The following HMCN2 variants were observed in gnomAD, a reference collection of about 807,000 sequenced individuals.
HMCN2 encodes the protein hemicentin-2.
A neutral mutation model predicts 377.5 loss-of-function variants in HMCN2; 325 were observed. That is an observed-to-expected ratio of 0.86 (90% CI 0.79 to 0.94). The LOEUF is 0.94. Ranked by LOEUF, HMCN2 falls within the 40% of genes least tolerant of loss-of-function variation. HMCN2 has a pLI of 0.00. For missense variants in HMCN2, 4,543 were observed against 4,725.3 expected (o/e 0.96, Z 1.13); for synonymous variants, 2,007 against 2,046.8 (o/e 0.98, Z 0.53).
intron 22 of HMCN2, among the ~76,000 whole-genome samples, chr9:130,335,543 G>A (rs1838699686): frequency 6.6e-6 from 1 of 152,070 alleles, no homozygotes; most frequent in South Asian, 2.1e-4. Context: ...CATTGGCTGG[G>A]GATTTGTGTC....
chr9:130,404,724 G>C, intron 80 of HMCN2, 145 bp from the exon 81 acceptor site: 1 of 435,608 alleles, frequency 2.3e-6, no homozygotes, highest in East Asian at 8.0e-5. Context: ...TCCTGAGCAC[G>C]GGCAATGGCC....
chr9:130,425,606 T>G, intron 89 of HMCN2, 81 bp from the exon 90 acceptor site: 1 of 1,011,174 alleles, frequency 9.9e-7, no homozygotes, highest in Non-Finnish European at 1.5e-6. Flanking sequence ...ATCTCAGCAT[T>G]TTCCTCCTCC....
intron 1 of HMCN2, among the ~76,000 whole-genome samples, chr9:130,276,120 T>G (rs1458912149): frequency 5.5e-3 from 14 of 2,568 alleles, no homozygotes; most frequent in South Asian, 0.023. Context: ...GGGGCAGGGG[T>G]GGGTGGGTGG....
At position 130,323,453 on chromosome 9, in the gene HMCN2, G is replaced by T. The variant is rs1040116039; in HGVS notation, c.2920+1522G>T. Reference sequence around the variant, plus strand: ...AAGCTCACTGTGTTCTGCAAACACTGCTCATCTATCCATTCCAGAAGGGAC... The same window carrying T: ...AAGCTCACTGTGTTCTGCAAACACTTCTCATCTATCCATTCCAGAAGGGAC... On this transcript the variant is annotated intron_variant, in intron 19 of 97. Coordinates refer to ENST00000683500, the MANE Select transcript of HMCN2 (RefSeq NM_001291815.2). Among the ~76,000 whole-genome samples the T allele has an allele frequency of 8.3e-4, 126 of 152,326 alleles. 1 individual carries two copies. The highest frequency in any genetic ancestry group is 2.2e-4 in the Non-Finnish European group (15 of 68,036).
intron 85 of HMCN2, among the ~76,000 whole-genome samples, chr9:130,413,728 C>T (rs1022404747): frequency 2.6e-4 from 39 of 152,206 alleles, no homozygotes; most frequent in African/African-American, 8.7e-4. Context: ...CTCAGACACA[C>T]GCATGTGCAC....
At chr9:130,277,534 A>G (rs1554923549) in intron 1 of HMCN2, among the ~76,000 whole-genome samples, 1 of 152,170 alleles carries the variant, frequency 6.6e-6, no homozygotes, top group African/African-American at 2.4e-5. Context: ...TACTTCCCCA[A>G]GCCTCCATTT....
chr9:130,404,615 G>A (rs534053392), intron 80 of HMCN2, among the ~76,000 whole-genome samples: 2 of 152,256 alleles, frequency 1.3e-5, no homozygotes, highest in African/African-American at 4.8e-5. Context: ...GTGTGTGTGC[G>A]TGTATATGTG....
In HMCN2 at chr9:130,353,060, C is replaced by T; in HGVS notation, c.4719C>T (p.Leu1573=). The change falls in exon 31 of 98, where the codon CTC becomes CTT. Residue 1573 remains leucine (L), a synonymous_variant. Transcript: ENST00000683500. The stretch of plus-strand genomic sequence containing the variant: ...CCTGGTTCAAGGACGGGGCCCTGCT[C>T]CCCACCAGCACCAAGGTGGTCTACA... The part of the protein sequence containing the change: ...NITWFKDGAL[L]PTSTKVVYTR... The T allele has an allele frequency of 2.3e-6, 3 of 1,304,186 alleles. No homozygotes were observed. Among genetic ancestry groups the T allele is most frequent in the South Asian group, 2.5e-5 (2 of 81,010 alleles). The allele number at this position is 1,304,186 out of a possible 1,614,324, so 80.8% of individuals were successfully genotyped here.
At chr9:130,389,025 G>C (rs1003028815) in intron 62 of HMCN2, among the ~76,000 whole-genome samples, 1 of 152,160 alleles carries the variant, frequency 6.6e-6, no homozygotes, top group Non-Finnish European at 1.5e-5. Context: ...GCCCCACATG[G>C]TCTCCTGGGC....
intron 4 of HMCN2, among the ~76,000 whole-genome samples, chr9:130,292,473 G>A (rs868964300): frequency 2.6e-5 from 4 of 152,172 alleles, no homozygotes; most frequent in Admixed American, 1.3e-4. Context: ...CAAAAGTGAC[G>A]GATAATTTGG....
intron 2 of HMCN2, 100 bp downstream of exon 2, chr9:130,284,773 C>T (rs1190575996): frequency 6.7e-6 from 3 of 450,158 alleles, no homozygotes; most frequent in South Asian, 3.2e-5. Flanking sequence ...GCCCAGCCTC[C>T]ACCTCTCCCT....
chr9:130,395,222 A>G lies in HMCN2; in HGVS notation c.10786A>G (p.Ile3596Val). The G allele has an allele frequency of 2.3e-6, 3 of 1,288,216 alleles. No individual in the cohort carries two copies. Among genetic ancestry groups the G allele is most frequent in the South Asian group, 1.2e-5 (1 of 80,820 alleles). 79.8% of individuals were successfully genotyped at this position (1,288,216 alleles called of 1,614,324 possible). A position where few individuals can be genotyped will look rare whatever the true frequency, so the allele number is the denominator to read the frequency against. The change falls in exon 71 of 98, where the codon ATT becomes GTT. Residue 3596 changes from isoleucine to valine, a missense_variant. By Grantham distance (29) the Ile-to-Val change is conservative (BLOSUM62 3). This residue lies in a region of HMCN2 where 1,073 missense variants were observed against 1,319.5 expected (regional missense o/e 0.81). Coordinates refer to ENST00000683500, the MANE Select transcript of HMCN2 (RefSeq NM_001291815.2). ...FRVRVQAPPN[I>V]VGPRGPRFVV... is the part of the protein sequence containing the mutation. ...CACCCCCTTCCCAGCCCCTCCAAAC[A>G]TTGTTGGGCCCCGAGGCCCCCGCTT...
In HMCN2 at chr9:130,405,024, C is replaced by T; in HGVS notation, c.12304C>T (p.Gln4102Ter). The change falls in exon 81 of 98, where the codon CAG becomes TAG. Residue 4102 changes from glutamine to a stop codon, truncating the protein, a stop_gained. Transcript: ENST00000683500. LOFTEE classifies it high-confidence loss of function. ...VSGAEGKFTI[Q>*]PSGELLVKNL... is the part of the protein sequence containing the mutation. ...GGGCGCCGAGGGGAAGTTCACCATC[C>T]AGCCTTCTGGGGAGTTGCTGGTGAA... 1.5e-5 allele frequency: 19 copies of T among 1,289,072 alleles called. No individual in the cohort carries two copies. Among genetic ancestry groups the T allele is most frequent in the Non-Finnish European group, 1.9e-5 (19 of 988,514 alleles). The allele number at this position is 1,289,072 out of a possible 1,614,324, so 79.9% of individuals were successfully genotyped here. A position where few individuals can be genotyped will look rare whatever the true frequency, so the allele number is the denominator to read the frequency against.
At chr9:130,280,085 G>C (rs1449264349) in intron 1 of HMCN2, among the ~76,000 whole-genome samples, 1 of 152,012 alleles carries the variant, frequency 6.6e-6, no homozygotes, top group Non-Finnish European at 1.5e-5. Flanking sequence ...AAACCCCCAG[G>C]AGGAATGCAG....
At position 130,406,035 on chromosome 9, in the gene HMCN2, G is replaced by C; in HGVS notation, c.12420G>C (p.Leu4140=). The C allele has an allele frequency of 1.6e-6, 2 of 1,289,856 alleles. No homozygotes were observed. The highest frequency in any genetic ancestry group is 2.0e-6 in the Non-Finnish European group (2 of 988,872). The allele number at this position is 1,289,856 out of a possible 1,614,324, so 79.9% of individuals were successfully genotyped here. The change falls in exon 82 of 98, where the codon CTG becomes CTC. Residue 4140 remains leucine (L), a synonymous_variant. Transcript: ENST00000683500. ...RARRRVHLTI[L]VLPVFTTLPG... is the part of the protein sequence containing the mutation. ...GCCGCCGCGTGCACCTCACCATCCT[G>C]GTACTGCCTGTGTTCACCACCCTGC... is the stretch of plus-strand genomic sequence containing the variant.
In HMCN2 at chr9:130,427,306, T is replaced by A. The variant is rs1307407042; in HGVS notation, c.13880-7T>A. On this transcript the variant is annotated splice_region_variant and splice_polypyrimidine_tract_variant and intron_variant, in intron 90 of 97. Transcript: ENST00000683500. ...TGTCCTTAGAGTCTATCCTCTTTGC[T>A]TTGCAGAGGAGAACGAGGTCGGCTG... The A allele has an allele frequency of 6.5e-7, 1 of 1,550,348 alleles. No individual in the cohort carries two copies. Among genetic ancestry groups the A allele is most frequent in the Non-Finnish European group, 8.7e-7 (1 of 1,146,962 alleles).
chr9:130,288,983 G>C (rs1835574766), intron 4 of HMCN2, among the ~76,000 whole-genome samples: 1 of 152,182 alleles, frequency 6.6e-6, no homozygotes, highest in Admixed American at 6.5e-5. Context: ...ACAAGTCCAA[G>C]CACCTGCTGT....
chr9:130,393,818 C>T lies in HMCN2; in HGVS notation c.10311C>T (p.Cys3437=), dbSNP rs748144360. The T allele has an allele frequency of 2.5e-5, 32 of 1,287,810 alleles. No homozygotes were observed. Among genetic ancestry groups the T allele is most frequent in the East Asian group, 5.6e-5 (1 of 18,006 alleles). 79.8% of individuals were successfully genotyped at this position (1,287,810 alleles called of 1,614,324 possible). A position where few individuals can be genotyped will look rare whatever the true frequency, so the allele number is the denominator to read the frequency against. Residue 3437 remains cysteine, a synonymous_variant, in exon 68 of 98, where the codon TGC becomes TGT. Coordinates refer to ENST00000683500, the MANE Select transcript of HMCN2 (RefSeq NM_001291815.2). The surrounding 1 kb of genome is among the most constrained non-coding windows in gnomAD (Gnocchi z 5.2). ...GTGGCTCCCTGGTGGAACTCCCGTG[C>T]GAGGCCCGGGGCGTTCCCCTGCCTC... ...VVRGSLVELP[C]EARGVPLPLV... is the part of the protein sequence containing the mutation.
Position 130,433,897 on chromosome 9 carries a change from G to A in HMCN2, c.*204G>A, listed in dbSNP as rs1844929119. ...TGACCTCACAGAGGGAGGCGTCCAG[G>A]GCGGCCCTTGGGTGGCCAGTCCCGC... On this transcript the variant is annotated 3_prime_UTR_variant, in exon 98 of 98. Transcript: ENST00000683500. 3.9e-6 allele frequency: 2 copies of A among 507,276 alleles called. No individual in the cohort carries two copies. Among genetic ancestry groups the A allele is most frequent in the Non-Finnish European group, 6.7e-6 (2 of 298,812 alleles). The allele number at this position is 507,276 out of a possible 1,614,324, so 31.4% of individuals were successfully genotyped here. A position where few individuals can be genotyped will look rare whatever the true frequency, so the allele number is the denominator to read the frequency against.
Sources: gnomAD v4.1 joint callset for allele counts (sites outside exome capture counted in the v4.1 genomes callset) on GRCh38, gnomAD v4.1.1 for gene constraint, gnomAD v4.1.1 regional missense constraint, Gnocchi (gnomAD v3.1) non-coding constraint, MANE v1.5 for transcripts, NCBI Gene and HGNC (gene_info 2026-07-23, HGNC 2026-07-21) for gene names.